Variants in RAB8B observed in about 807,000 individuals in gnomAD.
RAB8B encodes RAB8B, member RAS oncogene family, also known as ras-related protein Rab-8B.
A neutral mutation model predicts 32.0 loss-of-function variants in RAB8B; 11 were observed. That is an observed-to-expected ratio of 0.34 (90% CI 0.22 to 0.57). The LOEUF is 0.57. Among genes scored for constraint, RAB8B ranks in the 20% least tolerant of loss-of-function variants. RAB8B has a pLI of 0.86. For synonymous variants in RAB8B, 103 were observed against 89.6 expected (o/e 1.15, Z -0.85); for missense variants, 190 against 258.5 (o/e 0.73, Z 1.82).
At chr15:63,218,584 T>C (rs1441296068) in intron 1 of RAB8B, among the ~76,000 whole-genome samples, 1 of 152,238 alleles carries the variant, frequency 6.6e-6, no homozygotes, top group Non-Finnish European at 1.5e-5. Flanking sequence ...CAGGCAATTA[T>C]TTCCTCATTT....
At chr15:63,192,319 A>G (rs917708200) in intron 1 of RAB8B, among the ~76,000 whole-genome samples, 5 of 152,260 alleles carry the variant, frequency 3.3e-5, no homozygotes, top group African/African-American at 1.2e-4. Context: ...CAGACTCTTC[A>G]CTGATTACAA....
chr15:63,234,316 C>T (rs550197729), intron 1 of RAB8B, among the ~76,000 whole-genome samples: 28 of 152,324 alleles, frequency 1.8e-4, no homozygotes, highest in Non-Finnish European at 3.5e-4. Flanking sequence ...CATTCACAAA[C>T]GCAGGGGCAA....
chr15:63,259,875 G>A lies in RAB8B; in HGVS notation c.480+183G>A, dbSNP rs986624894. On this transcript the variant is annotated intron_variant, in intron 6 of 7. Coordinates refer to ENST00000321437, the MANE Select transcript of RAB8B (RefSeq NM_016530.3). This position sits in a 1 kb window ranked among gnomAD's most constrained non-coding sequence, Gnocchi z 4.4. Reference sequence around the variant, plus strand: ...TTTTGAGATGGAGTCTCACTCTGTCGCCAGGCTGGAATGCAGTGGCATGAT... The same window carrying A: ...TTTTGAGATGGAGTCTCACTCTGTCACCAGGCTGGAATGCAGTGGCATGAT... Among the ~76,000 whole-genome samples the A allele has an allele frequency of 2.0e-5, 3 of 150,968 alleles. No homozygotes were observed. Among genetic ancestry groups the A allele is most frequent in the African/African-American group, 2.4e-5 (1 of 41,012 alleles).
chr15:63,249,709 AGT>A lies in RAB8B; in HGVS notation c.246+9_246+10del. On this transcript the variant is annotated splice_donor_5th_base_variant and intron_variant, in intron 3 of 7. Transcript: ENST00000321437. ...AGCGTACTACAGAGGAGCCATGGTG[AGT>A]GTGTTGTAGGGTTTTGTAACTCTTC... The A allele has an allele frequency of 6.2e-7, 1 of 1,612,768 alleles. No individual in the cohort carries two copies. Among genetic ancestry groups the A allele is most frequent in the East Asian group, 2.2e-5 (1 of 44,862 alleles).
intron 1 of RAB8B, among the ~76,000 whole-genome samples, chr15:63,198,151 GTTAC>G (rs1309125497): frequency 6.6e-6 from 1 of 152,132 alleles, no homozygotes; most frequent in Non-Finnish European, 1.5e-5. Context: ...TTCAAAAAAA[GTTAC>G]TTAGTTGCTT....
intron 1 of RAB8B, among the ~76,000 whole-genome samples, chr15:63,198,702 A>G (rs1202669329): frequency 6.6e-6 from 1 of 152,226 alleles, no homozygotes; most frequent in Non-Finnish European, 1.5e-5. Flanking sequence ...AATAAATCAT[A>G]GATGTTATCC....
chr15:63,234,596 ACTGGTTGCTGAGAAATAT>A (rs1303865575), intron 1 of RAB8B, among the ~76,000 whole-genome samples: 1 of 151,876 alleles, frequency 6.6e-6, no homozygotes, highest in Non-Finnish European at 1.5e-5. Context: ...CAGCGACATC[ACTGGTTGCTGAGAAATAT>A]CTGGTAAGCA....
intron 1 of RAB8B, among the ~76,000 whole-genome samples, chr15:63,234,759 G>A (rs2037964083): frequency 6.6e-6 from 1 of 152,186 alleles, no homozygotes; most frequent in Non-Finnish European, 1.5e-5. Flanking sequence ...CCTCAGAGGT[G>A]CAGGAAAGAG....
chr15:63,198,410 C>T (rs1439807653), intron 1 of RAB8B, among the ~76,000 whole-genome samples: 1 of 152,062 alleles, frequency 6.6e-6, no homozygotes, highest in Non-Finnish European at 1.5e-5. Flanking sequence ...TAACACTCTG[C>T]TTGTTATCAT....
intron 1 of RAB8B, among the ~76,000 whole-genome samples, chr15:63,206,375 G>A (rs139503543): frequency 1.3e-5 from 2 of 151,970 alleles, no homozygotes; most frequent in Non-Finnish European, 2.9e-5. Context: ...TTAAGTCCCA[G>A]CTGTTGGTGT....
At chr15:63,250,328 A>G (rs1183832609) in intron 3 of RAB8B, among the ~76,000 whole-genome samples, 1 of 152,070 alleles carries the variant, frequency 6.6e-6, no homozygotes, top group Admixed American at 6.6e-5. Flanking sequence ...CACAAGCCCT[A>G]TGACTAAGTA....
intron 1 of RAB8B, among the ~76,000 whole-genome samples, chr15:63,217,357 A>G (rs1261881967): frequency 3.3e-5 from 5 of 152,176 alleles, no homozygotes; most frequent in African/African-American, 1.2e-4. Context: ...TTCCATTGGA[A>G]CTTTCTAATC....
chr15:63,197,592 T>C (rs2037613863), intron 1 of RAB8B, among the ~76,000 whole-genome samples: 1 of 152,076 alleles, frequency 6.6e-6, no homozygotes, highest in South Asian at 2.1e-4. Flanking sequence ...CAGGCTGGTC[T>C]CAAACTCCTG....
chr15:63,242,078 G>A (rs1213109255), intron 1 of RAB8B, among the ~76,000 whole-genome samples: 1 of 150,506 alleles, frequency 6.6e-6, no homozygotes, highest in East Asian at 2.0e-4. Context: ...CATTCTTAAT[G>A]GCAATTACTT....
chr15:63,198,531 G>T (rs959121444), intron 1 of RAB8B, among the ~76,000 whole-genome samples: 36 of 152,038 alleles, frequency 2.4e-4, no homozygotes, highest in African/African-American at 8.7e-4. Flanking sequence ...GCTCAGTTAG[G>T]TATAGAATCC....
chr15:63,240,608 T>G (rs2038024205), intron 1 of RAB8B, among the ~76,000 whole-genome samples: 1 of 152,144 alleles, frequency 6.6e-6, no homozygotes, highest in African/African-American at 2.4e-5. Flanking sequence ...ACTTGCTTTT[T>G]TTTTTCCATA....
chr15:63,233,032 T>G (rs1406724033), intron 1 of RAB8B, among the ~76,000 whole-genome samples: 1 of 150,830 alleles, frequency 6.6e-6, no homozygotes, highest in Non-Finnish European at 1.5e-5. Flanking sequence ...CTTGACCTCT[T>G]TTTTTTCAAT....
intron 1 of RAB8B, among the ~76,000 whole-genome samples, chr15:63,209,679 T>A (rs1253711428): frequency 6.6e-6 from 1 of 152,148 alleles, no homozygotes; most frequent in Non-Finnish European, 1.5e-5. Context: ...GTTTAGAACT[T>A]TTTTTCTGAT....
intron 1 of RAB8B, among the ~76,000 whole-genome samples, chr15:63,190,665 G>A (rs1264834735): frequency 6.6e-6 from 1 of 152,196 alleles, no homozygotes; most frequent in Non-Finnish European, 1.5e-5. Flanking sequence ...AGTGTTAATG[G>A]ATGTTAAGGG....
Sources: allele counts gnomAD v4.1 joint callset (sites outside exome capture counted in the v4.1 genomes callset), GRCh38; gene constraint gnomAD v4.1.1; non-coding constraint Gnocchi (gnomAD v3.1); transcripts MANE v1.5; gene names NCBI Gene and HGNC (gene_info 2026-07-23, HGNC 2026-07-21).